TNNI3K: variants seen among roughly 807,000 people sequenced by gnomAD.
TNNI3K encodes serine/threonine-protein kinase TNNI3K.
TNNI3K carries 140 observed loss-of-function variants against 114.5 expected under a neutral mutation model. The observed-to-expected ratio is 1.22, with a 90% CI of 1.07 to 1.41. The LOEUF is 1.41. Among genes scored for constraint, TNNI3K ranks in the 40% most tolerant of loss-of-function variants. The pLI is 0.00. For missense variants in TNNI3K, 1,125 were observed against 1,007.6 expected, an observed-to-expected ratio of 1.12 and a Z score of -1.58; for synonymous variants, 347 against 347.5, an observed-to-expected ratio of 1.00 and a Z score of 0.02.
chr1:74,301,257 AGGCGT>A (rs1278017613), intron 5 of TNNI3K, among the ~76,000 whole-genome samples: 1 of 151,918 alleles, frequency 6.6e-6, no homozygotes, highest in Non-Finnish European at 1.5e-5. Flanking sequence ...AAACTTAGCC[AGGCGT>A]GGTGGTGCAC....
Position 74,241,867 on chromosome 1 carries a change from T to C in TNNI3K, c.149+5657T>C, listed in dbSNP as rs1654242383. Reference sequence around the variant, plus strand: ...GTTCTTTTCCTTTTTTTTTTTTTTTTCAGACGGAGTCTCGCTCTGTCGCCC... The same window carrying C: ...GTTCTTTTCCTTTTTTTTTTTTTTTCCAGACGGAGTCTCGCTCTGTCGCCC... On this transcript the variant is annotated intron_variant, in intron 2 of 24. Coordinates refer to ENST00000326637, the MANE Select transcript of TNNI3K (RefSeq NM_015978.3). 3.9e-5 allele frequency among the ~76,000 whole-genome samples: 5 copies of C among 127,400 alleles called. 1 individual carries two copies. 83.6% of individuals were successfully genotyped at this position (127,400 alleles called of 152,430 possible).
intron 20 of TNNI3K, among the ~76,000 whole-genome samples, chr1:74,446,173 C>T (rs1233644285): frequency 6.6e-6 from 1 of 152,072 alleles, no homozygotes; most frequent in Non-Finnish European, 1.5e-5. Context: ...AAAAGTGTTC[C>T]TGTTTCTCCA....
intron 5 of TNNI3K, among the ~76,000 whole-genome samples, chr1:74,312,009 T>C (rs1490350411): frequency 1.3e-5 from 2 of 152,166 alleles, no homozygotes; most frequent in Non-Finnish European, 1.5e-5. Flanking sequence ...TTCATGTAAG[T>C]TGTATTTAGA....
At chr1:74,411,431 T>A (rs1435739740) in intron 17 of TNNI3K, among the ~76,000 whole-genome samples, 1 of 152,142 alleles carries the variant, frequency 6.6e-6, no homozygotes, top group Non-Finnish European at 1.5e-5. Context: ...AATTTTTATA[T>A]ACAAATGCAG....
chr1:74,525,635 G>A (rs1214832384), intron 23 of TNNI3K, among the ~76,000 whole-genome samples: 1 of 152,226 alleles, frequency 6.6e-6, no homozygotes, highest in Non-Finnish European at 1.5e-5. Flanking sequence ...CTCCTAGTCT[G>A]AAGGAGTGTG....
Position 74,369,564 on chromosome 1 carries a change from C to G in TNNI3K, c.1646C>G (p.Ser549Cys), listed in dbSNP as rs1401305917. The part of the protein sequence containing the change: ...TQYISGGSLF[S>C]LLHEQKRILD... ...TACATATCAGGGGGTTCTCTGTTCTCCCTCCTTCATGAGCAGAAGAGGTAT... is the reference window on the plus strand; with the variant it reads ...TACATATCAGGGGGTTCTCTGTTCTGCCTCCTTCATGAGCAGAAGAGGTAT... Residue 549 changes from serine to cysteine, a missense_variant, in exon 16 of 25, where the codon TCC becomes TGC. Transcript: ENST00000326637. The G allele has an allele frequency of 1.2e-6, 2 of 1,609,376 alleles. No individual in the cohort carries two copies. Among genetic ancestry groups the G allele is most frequent in the South Asian group, 2.2e-5 (2 of 90,416 alleles).
intron 23 of TNNI3K, among the ~76,000 whole-genome samples, chr1:74,521,694 T>G (rs1278626667): frequency 6.6e-6 from 1 of 152,000 alleles, no homozygotes; most frequent in Non-Finnish European, 1.5e-5. Context: ...TCTCGCAGAG[T>G]TGGTGAACAA....
intron 17 of TNNI3K, among the ~76,000 whole-genome samples, chr1:74,394,898 G>T (rs1025041800): frequency 6.6e-6 from 1 of 151,954 alleles, no homozygotes; most frequent in Non-Finnish European, 1.5e-5. Context: ...CAAACAATTA[G>T]CCAGGCATGG....
At chr1:74,382,463 G>A (rs1663252159) in intron 17 of TNNI3K, among the ~76,000 whole-genome samples, 1 of 152,266 alleles carries the variant, frequency 6.6e-6, no homozygotes, top group Middle Eastern at 3.4e-3. Context: ...GATTCATTTT[G>A]TATCCAGCTG....
At chr1:74,495,990 G>A (rs1259060928) in intron 23 of TNNI3K, among the ~76,000 whole-genome samples, 1 of 152,178 alleles carries the variant, frequency 6.6e-6, no homozygotes, top group Non-Finnish European at 1.5e-5. Flanking sequence ...AGGGCCATGA[G>A]TTTAACAGCT....
intron 23 of TNNI3K, among the ~76,000 whole-genome samples, chr1:74,527,296 A>G (rs1379123487): frequency 6.6e-6 from 1 of 152,228 alleles, no homozygotes; most frequent in Non-Finnish European, 1.5e-5. Flanking sequence ...GAATCAGAGT[A>G]AACAGACAAA....
intron 11 of TNNI3K, among the ~76,000 whole-genome samples, chr1:74,360,005 C>T (rs1275845653): frequency 2.0e-5 from 3 of 151,874 alleles, no homozygotes; most frequent in Non-Finnish European, 4.4e-5. Context: ...CTTTTTCCTC[C>T]TCAACTTCTC....
chr1:74,504,068 TACCCAGACAG>T (rs1669768880), intron 23 of TNNI3K, among the ~76,000 whole-genome samples: 1 of 152,200 alleles, frequency 6.6e-6, no homozygotes, highest in Non-Finnish European at 1.5e-5. Flanking sequence ...CCTAGGTGCA[TACCCAGACAG>T]CACTATAGTG....
intron 4 of TNNI3K, among the ~76,000 whole-genome samples, chr1:74,266,639 AT>A (rs1382178910): frequency 2.0e-5 from 3 of 151,940 alleles, no homozygotes; most frequent in Non-Finnish European, 4.4e-5. Context: ...TAGAGTTGAA[AT>A]TTTTTTGTTT....
intron 5 of TNNI3K, among the ~76,000 whole-genome samples, chr1:74,272,337 TA>T (rs1352752610): frequency 2.4e-4 from 37 of 151,698 alleles, no homozygotes; most frequent in Middle Eastern, 6.8e-3. Flanking sequence ...GTGAGTACCA[TA>T]AAAATAATAA....
In TNNI3K at chr1:74,323,951, C is replaced by T. The variant is rs762911181; in HGVS notation, c.445-7499C>T. ...TAGGCAGAGAGGTAGAAAGAAAACT[C>T]GAAAATTGTGGTGTCAAGCAATCTA... On this transcript the variant is annotated intron_variant, in intron 5 of 24. Coordinates refer to ENST00000326637, the MANE Select transcript of TNNI3K (RefSeq NM_015978.3). Among the ~76,000 whole-genome samples, 16 of 152,036 alleles carry T rather than the reference C, an allele frequency of 1.1e-4. No individual in the cohort carries two copies. In the South Asian group the frequency reaches 2.7e-3, roughly 26 times the overall value.
At chr1:74,305,968 C>T (rs1404759117) in intron 5 of TNNI3K, among the ~76,000 whole-genome samples, 4 of 152,120 alleles carry the variant, frequency 2.6e-5, no homozygotes, top group South Asian at 4.1e-4. Flanking sequence ...GAATCCATCA[C>T]CCAAAAAGTG....
intron 5 of TNNI3K, among the ~76,000 whole-genome samples, chr1:74,279,207 G>T (rs1290147728): frequency 6.6e-6 from 1 of 152,100 alleles, no homozygotes; most frequent in Admixed American, 6.5e-5. Context: ...TCTTACCTGG[G>T]TATTGGACAA....
At chr1:74,338,304 G>A (rs1424430387) in intron 7 of TNNI3K, among the ~76,000 whole-genome samples, 2 of 151,460 alleles carry the variant, frequency 1.3e-5, no homozygotes, top group Non-Finnish European at 2.9e-5. Flanking sequence ...ATACATAGAA[G>A]GACTTCAGAA....
Sources: gnomAD v4.1 joint callset for allele counts (sites outside exome capture counted in the v4.1 genomes callset) on GRCh38, gnomAD v4.1.1 for gene constraint, MANE v1.5 for transcripts, NCBI Gene and HGNC (gene_info 2026-07-23, HGNC 2026-07-21) for gene names.